The following BCOR variants were observed in gnomAD, a reference collection of about 807,000 sequenced individuals.
BCOR encodes the protein BCL-6 corepressor.
In BCOR, 10 loss-of-function variants were observed where a neutral mutation model predicts 86.7. That is an observed-to-expected ratio of 0.12 (90% confidence interval 0.07 to 0.20). The LOEUF (loss-of-function observed/expected upper bound fraction) is 0.20, where lower values mean the gene tolerates loss of function less well. Among genes scored for constraint, BCOR ranks in the 10% least tolerant of loss-of-function variants. The pLI is 1.00. For synonymous variants in BCOR, 611 were observed against 609.0 expected (o/e 1.00, Z -0.05); for missense variants, 1,259 against 1,452.1 (o/e 0.87, Z 2.16).
chrX:40,134,226 A>C (rs748417177), intron 1 of BCOR, among the ~76,000 whole-genome samples: 3 of 108,880 alleles, frequency 2.8e-5, no homozygotes, highest in African/African-American at 1.0e-4. Context: ...CTGTGGAACC[A>C]GAGGAGAGGG....
intron 6 of BCOR, among the ~76,000 whole-genome samples, chrX:40,069,235 G>A (rs1269696194): frequency 8.9e-6 from 1 of 112,183 alleles, no homozygotes; most frequent in East Asian, 2.8e-4. Flanking sequence ...CTTGGCCCTA[G>A]TATTTAAAAA....
intron 1 of BCOR, among the ~76,000 whole-genome samples, chrX:40,167,054 C>T (rs1027162259): frequency 3.6e-5 from 4 of 111,851 alleles, no homozygotes; most frequent in Non-Finnish European, 7.5e-5. Context: ...TGATCTCCAC[C>T]TCCCTCCATC....
At chrX:40,069,004 C>T (rs1472826537) in intron 6 of BCOR, among the ~76,000 whole-genome samples, 1 of 112,594 alleles carries the variant, frequency 8.9e-6, no homozygotes, top group African/African-American at 3.2e-5. Flanking sequence ...CCTGCCTGCC[C>T]CAAATCCCCA....
At chrX:40,145,673 G>A (rs1569195165) in intron 1 of BCOR, among the ~76,000 whole-genome samples, 1 of 111,859 alleles carries the variant, frequency 8.9e-6, no homozygotes, top group Non-Finnish European at 1.9e-5. Context: ...AGCGGATCAA[G>A]GTTTAAGAGC....
chrX:40,114,505 C>T (rs1175006188), intron 1 of BCOR, among the ~76,000 whole-genome samples: 2 of 111,693 alleles, frequency 1.8e-5, no homozygotes, highest in African/African-American at 6.5e-5. Context: ...TCTTAGAGTA[C>T]TTTGCCTATT....
At chrX:40,087,980 T>C (rs897956763) in intron 1 of BCOR, among the ~76,000 whole-genome samples, 1 of 112,523 alleles carries the variant, frequency 8.9e-6, no homozygotes, top group Admixed American at 9.4e-5. Context: ...CTAAATGACG[T>C]AGGCCTCGAG....
In BCOR at chrX:40,062,799, T is replaced by C. The variant is rs1198189611; in HGVS notation, c.4120A>G (p.Arg1374Gly). ...KTKHLIPQESRRGLPLTGEYY... is the reference protein window; with the variant it reads ...KTKHLIPQESGRGLPLTGEYY... ...TCCCCTGTCAGTGGCAATCCCCGCC[T>C]GGACTCCTGAGGGATCAAGTGTTTG... The change falls in exon 9 of 15, where the codon AGG (arginine) becomes GGG (glycine). Residue 1374 changes from arginine to glycine, a missense_variant. Arg to Gly is a moderately radical substitution (Grantham distance 125). Transcript: ENST00000378444. 8.3e-7 allele frequency: 1 copy of C among 1,211,862 alleles called. No homozygotes were observed. The highest frequency in any genetic ancestry group is 2.2e-5 in the Admixed American group (1 of 46,087).
At chrX:40,155,064 G>A (rs1247046751) in intron 1 of BCOR, among the ~76,000 whole-genome samples, 1 of 111,138 alleles carries the variant, frequency 9.0e-6, no homozygotes, top group Non-Finnish European at 1.9e-5. Context: ...CTGCGGGAGG[G>A]GAGGGGGTCG....
chrX:40,070,152 T>C (rs893056091), intron 6 of BCOR, among the ~76,000 whole-genome samples: 1 of 112,030 alleles, frequency 8.9e-6, no homozygotes, highest in Non-Finnish European at 1.9e-5. Flanking sequence ...CCAAGTGTCC[T>C]GTGTCAGGAG....
At chrX:40,078,374 T>C (rs1334589625) in intron 1 of BCOR, among the ~76,000 whole-genome samples, 2 of 112,143 alleles carry the variant, frequency 1.8e-5, no homozygotes, top group East Asian at 5.6e-4. Flanking sequence ...GGTTCAGGGA[T>C]GCTGCATCAC....
At chrX:40,107,377 G>C (rs1409211586) in intron 1 of BCOR, among the ~76,000 whole-genome samples, 1 of 111,715 alleles carries the variant, frequency 9.0e-6, no homozygotes, top group Non-Finnish European at 1.9e-5. Context: ...GACGCCAAAC[G>C]TTCCAACCTT....
At chrX:40,134,902 A>G (rs2147923578) in intron 1 of BCOR, among the ~76,000 whole-genome samples, 1 of 111,954 alleles carries the variant, frequency 8.9e-6, no homozygotes, top group East Asian at 2.8e-4. Flanking sequence ...ATGAGATTCC[A>G]TTAACCATCG....
chrX:40,062,731 G>A lies in BCOR; in HGVS notation c.4173+15C>T, dbSNP rs775665144. The A allele has an allele frequency of 1.2e-5, 15 of 1,201,012 alleles. No individual in the cohort carries two copies. The East Asian group carries it at 2.4e-4, about 19-fold the overall frequency. On this transcript the variant is annotated intron_variant, in intron 9 of 14. Transcript: ENST00000378444. Reference sequence around the variant, plus strand: ...TTCGCACAGGCCCCAGAGGGAAGCCGGGGTCAAGAGGTACCTTGCCATCGG... The same window carrying A: ...TTCGCACAGGCCCCAGAGGGAAGCCAGGGTCAAGAGGTACCTTGCCATCGG...
intron 1 of BCOR, among the ~76,000 whole-genome samples, chrX:40,154,167 T>C (rs894367329): frequency 1.8e-5 from 2 of 112,241 alleles, no homozygotes; most frequent in African/African-American, 3.2e-5. Flanking sequence ...CTTTCATGGC[T>C]CTGGGTTTCC....
intron 1 of BCOR, among the ~76,000 whole-genome samples, chrX:40,095,126 T>A (rs965578339): frequency 9.0e-6 from 1 of 111,251 alleles, no homozygotes; most frequent in African/African-American, 3.3e-5. Context: ...TAAACCTGGA[T>A]GGCATATTAA....
intron 8 of BCOR, 36 bp from the exon 9 acceptor site, chrX:40,063,107 T>TG: frequency 1.0e-5 from 5 of 497,131 alleles, no homozygotes; most frequent in Non-Finnish European, 1.3e-5. Context: ...GGCGGGCGGA[T>TG]GGGAGACGGG....
chrX:40,089,230 G>A (rs887282802), intron 1 of BCOR, among the ~76,000 whole-genome samples: 1 of 111,645 alleles, frequency 9.0e-6, no homozygotes, highest in Non-Finnish European at 1.9e-5. Context: ...GATCCTAAAG[G>A]TGGATAATTA....
At chrX:40,132,587 G>A (rs1376554380) in intron 1 of BCOR, among the ~76,000 whole-genome samples, 1 of 111,880 alleles carries the variant, frequency 8.9e-6, no homozygotes, top group Non-Finnish European at 1.9e-5. Context: ...CCAAAGAGTT[G>A]TTTTAAGTGG....
intron 3 of BCOR, among the ~76,000 whole-genome samples, chrX:40,076,051 T>C (rs1935792070): frequency 8.9e-6 from 1 of 112,120 alleles, no homozygotes. Flanking sequence ...ATAGAGGCCA[T>C]GGGTCAAACT....
Sources: gnomAD v4.1 joint callset for allele counts (sites outside exome capture counted in the v4.1 genomes callset) on GRCh38, gnomAD v4.1.1 for gene constraint, MANE v1.5 for transcripts, NCBI Gene and HGNC (gene_info 2026-07-23, HGNC 2026-07-21) for gene names.